The following ADAM22 variants were observed in gnomAD, a reference collection of about 807,000 sequenced individuals.
ADAM22 encodes the protein ADAM metallopeptidase domain 22.
Under a neutral mutation model 144.6 loss-of-function variants are expected in ADAM22, and 65 were observed. That is an observed-to-expected ratio of 0.45 (90% CI 0.37 to 0.55). The LOEUF (loss-of-function observed/expected upper bound fraction) is 0.55. Among genes scored for constraint, ADAM22 ranks in the 20% least tolerant of loss-of-function variants. ADAM22 has a pLI of 0.00. For missense variants in ADAM22, 974 were observed against 1,184.9 expected, an observed-to-expected ratio of 0.82 and a Z score of 2.61; for synonymous variants, 391 against 412.6, an observed-to-expected ratio of 0.95 and a Z score of 0.63.
chr7:88,107,203 T>G (rs1156249532), intron 4 of ADAM22, among the ~76,000 whole-genome samples: 65 of 140,272 alleles, frequency 4.6e-4, no homozygotes, highest in African/African-American at 1.7e-3. Flanking sequence ...AATTTCTTTT[T>G]TTTTTTTTTT....
Position 88,114,576 on chromosome 7 carries a change from G to A in ADAM22, c.474-8G>A, listed in dbSNP as rs371816665. On this transcript the variant is annotated splice_region_variant and splice_polypyrimidine_tract_variant and intron_variant, in intron 5 of 31. Coordinates refer to ENST00000413139, the MANE Select transcript of ADAM22 (RefSeq NM_001324418.2). ...GGCCATGCCTAATTATTTTTTTGTC[G>A]TTGGCAGTGGGATGTTCTATGACGG... 4.7e-5 allele frequency: 76 copies of A among 1,613,206 alleles called. No individual in the cohort carries two copies. The highest frequency in any genetic ancestry group is 1.4e-4 in the South Asian group (13 of 91,024).
chr7:88,045,314 G>A (rs961467153), intron 3 of ADAM22, among the ~76,000 whole-genome samples: 1 of 152,094 alleles, frequency 6.6e-6, no homozygotes, highest in African/African-American at 2.4e-5. Context: ...CACCGCACCA[G>A]GCCTAATAGA....
intron 3 of ADAM22, among the ~76,000 whole-genome samples, chr7:88,035,665 T>G (rs186354239): frequency 6.6e-6 from 1 of 152,238 alleles, no homozygotes; most frequent in Non-Finnish European, 1.5e-5. Context: ...TTACGTAGCA[T>G]TCATGTTGTA....
chr7:88,078,675 A>G (rs1344948433), intron 4 of ADAM22, among the ~76,000 whole-genome samples: 1 of 152,380 alleles, frequency 6.6e-6, no homozygotes, highest in Admixed American at 6.5e-5. Context: ...GCTGAAAACC[A>G]TGGCACGAGA....
intron 4 of ADAM22, among the ~76,000 whole-genome samples, chr7:88,093,296 A>G (rs1385958411): frequency 1.3e-5 from 2 of 150,048 alleles, no homozygotes; most frequent in South Asian, 4.3e-4. Flanking sequence ...AAAAAAAAAA[A>G]TCACAAATTA....
intron 4 of ADAM22, among the ~76,000 whole-genome samples, chr7:88,079,282 A>G (rs1313840448): frequency 6.6e-6 from 1 of 152,214 alleles, no homozygotes; most frequent in African/African-American, 2.4e-5. Flanking sequence ...AATACTTTAT[A>G]GACAAGCAAC....
chr7:88,033,237 A>G (rs1239542645), intron 3 of ADAM22, among the ~76,000 whole-genome samples: 2 of 152,214 alleles, frequency 1.3e-5, no homozygotes, highest in African/African-American at 4.8e-5. Flanking sequence ...TGGTTGCTGC[A>G]GCTGTATCTG....
chr7:87,953,245 A>T (rs1191284553), intron 2 of ADAM22, among the ~76,000 whole-genome samples: 3 of 151,538 alleles, frequency 2.0e-5, no homozygotes, highest in Non-Finnish European at 4.4e-5. Context: ...GGGTGTCAGT[A>T]TTGGATCTTT....
At chr7:87,966,743 T>TTG (rs1258711003) in intron 2 of ADAM22, among the ~76,000 whole-genome samples, 7 of 138,992 alleles carry the variant, frequency 5.0e-5, no homozygotes, top group African/African-American at 1.9e-4. Context: ...TTTTTTTTTT[T>TTG]TTTTTTTTTG....
At chr7:87,967,830 A>AAAC (rs1849502904) in intron 2 of ADAM22, among the ~76,000 whole-genome samples, 1 of 150,266 alleles carries the variant, frequency 6.7e-6, no homozygotes, top group African/African-American at 2.4e-5. Flanking sequence ...AAAAAAAAAA[A>AAAC]GTATATTGAG....
chr7:88,139,790 T>C (rs1174043452), intron 14 of ADAM22, among the ~76,000 whole-genome samples: 2 of 152,314 alleles, frequency 1.3e-5, no homozygotes, highest in African/African-American at 2.4e-5. Context: ...TGTGATCTGA[T>C]TGGATCTTGC....
chr7:88,115,917 C>T (rs1827644321), intron 6 of ADAM22, among the ~76,000 whole-genome samples: 1 of 152,198 alleles, frequency 6.6e-6, no homozygotes, highest in Non-Finnish European at 1.5e-5. Flanking sequence ...ATAGACTACA[C>T]AGAAACATAA....
chr7:87,934,388 C>A lies in ADAM22; in HGVS notation c.-78C>A. The A allele has an allele frequency of 7.0e-7, 1 of 1,434,842 alleles. No homozygotes were observed. The highest frequency in any genetic ancestry group is 9.4e-7 in the Non-Finnish European group (1 of 1,066,056). 88.9% of individuals were successfully genotyped at this position (1,434,842 alleles called of 1,614,324 possible). On this transcript the variant is annotated 5_prime_UTR_variant, in exon 1 of 32. Transcript: ENST00000413139. ...GGTGGCCGCGGGGACCCCGGGGGCG[C>A]GGAGCGAGGGAAACGGACTCGGCGG...
intron 3 of ADAM22, among the ~76,000 whole-genome samples, chr7:88,061,729 CCTAAGGGCCTTAGGATTCT>C: frequency 6.6e-6 from 1 of 152,072 alleles, no homozygotes; most frequent in Admixed American, 6.5e-5. Context: ...TAGGATAATT[CCTAAGGGCCTTAGGATTCT>C]CAGAATGGTG....
chr7:88,023,936 A>C (rs1798408080), intron 3 of ADAM22, among the ~76,000 whole-genome samples: 2 of 152,158 alleles, frequency 1.3e-5, no homozygotes, highest in Non-Finnish European at 2.9e-5. Flanking sequence ...AAGTGAGAAC[A>C]TGTGAAGTTG....
In ADAM22 at chr7:88,201,665, AG is replaced by A. The variant is rs1446152328; in HGVS notation, c.*5176del. ...ACCTGTATCATATGGGGAAGCTTCA[AG>A]GCTGGCAGGCTTTTCATCAAGTAAT... On this transcript the variant is annotated 3_prime_UTR_variant, in exon 32 of 32. Transcript: ENST00000413139. 41 of 152,288 alleles carry A rather than the reference AG, an allele frequency of 2.7e-4. No individual in the cohort carries two copies. The highest frequency in any genetic ancestry group is 8.9e-4 in the African/African-American group (37 of 41,562). The allele number at this position is 152,288 out of a possible 1,614,324, so 9.4% of individuals were successfully genotyped here.
At chr7:88,060,453 CAGG>C (rs1198142273) in intron 3 of ADAM22, among the ~76,000 whole-genome samples, 1 of 152,092 alleles carries the variant, frequency 6.6e-6, no homozygotes, top group Non-Finnish European at 1.5e-5. Context: ...ACATTTTCAC[CAGG>C]AGTAGATTCT....
chr7:88,090,959 G>A lies in ADAM22; in HGVS notation c.390+15267G>A, dbSNP rs367604513. ...TACTCATTAATTTTCTCTGTTACTC[G>A]TTCAAGAACTGTGATATTCTCACAG... On this transcript the variant is annotated intron_variant, in intron 4 of 31. Coordinates refer to ENST00000413139, the MANE Select transcript of ADAM22 (RefSeq NM_001324418.2). 1.4e-3 allele frequency among the ~76,000 whole-genome samples: 215 copies of A among 152,162 alleles called. 2 individuals carry two copies. The highest frequency in any genetic ancestry group is 2.9e-3 in the South Asian group (14 of 4,806).
At chr7:88,150,256 C>A (rs1263463677) in intron 18 of ADAM22, among the ~76,000 whole-genome samples, 1 of 152,190 alleles carries the variant, frequency 6.6e-6, no homozygotes, top group Non-Finnish European at 1.5e-5. Flanking sequence ...GGTGTCATCA[C>A]TTTTCTTTGC....
Sources: allele counts gnomAD v4.1 joint callset (sites outside exome capture counted in the v4.1 genomes callset), GRCh38; gene constraint gnomAD v4.1.1; transcripts MANE v1.5; gene names NCBI Gene and HGNC (gene_info 2026-07-23, HGNC 2026-07-21).